TRHDE: variants seen among roughly 807,000 people sequenced by gnomAD.
The protein encoded by TRHDE is thyrotropin-releasing hormone-degrading ectoenzyme.
A neutral mutation model predicts 125.7 loss-of-function variants in TRHDE; 72 were observed. That is an observed-to-expected ratio of 0.57 (90% CI 0.47 to 0.70). TRHDE has a LOEUF of 0.70. TRHDE is among the 30% of genes least tolerant of loss of function. The probability of loss-of-function intolerance (pLI) is 0.00; values close to 1 mark genes in which losing one functional copy is unlikely to be tolerated. For missense variants in TRHDE, 1,110 were observed against 1,327.1 expected (o/e 0.84, Z 2.54); for synonymous variants, 509 against 509.1 (o/e 1.00, Z 0.00).
At chr12:72,261,838 A>G (rs368384649) in intron 2 of TRHDE, among the ~76,000 whole-genome samples, 6 of 152,176 alleles carry the variant, frequency 3.9e-5, no homozygotes, top group Non-Finnish European at 5.9e-5. Context: ...TTTCCATGGC[A>G]TTATTGTTTG....
chr12:72,659,382 T>C (rs1874828184), intron 18 of TRHDE, among the ~76,000 whole-genome samples: 1 of 152,206 alleles, frequency 6.6e-6, no homozygotes, highest in Admixed American at 6.5e-5. Flanking sequence ...TAATGACTAT[T>C]AACCAGTCCT....
chr12:72,424,770 C>A (rs949834157), intron 3 of TRHDE, among the ~76,000 whole-genome samples: 1 of 152,038 alleles, frequency 6.6e-6, no homozygotes, highest in Non-Finnish European at 1.5e-5. Flanking sequence ...AATATTAAAG[C>A]TTTTGGGGGA....
intron 5 of TRHDE, among the ~76,000 whole-genome samples, chr12:72,478,934 A>C (rs1265372017): frequency 2.6e-5 from 4 of 151,116 alleles, no homozygotes; most frequent in Non-Finnish European, 5.9e-5. Flanking sequence ...AAAAAAAAAA[A>C]AAAAAAACAA....
At chr12:72,099,263 G>A (rs1592439755) in intron 1 of TRHDE, among the ~76,000 whole-genome samples, 1 of 152,278 alleles carries the variant, frequency 6.6e-6, no homozygotes, top group East Asian at 1.9e-4. Flanking sequence ...AGCAAACAGA[G>A]GGTAAAGTGG....
intron 2 of TRHDE, among the ~76,000 whole-genome samples, chr12:72,138,112 C>T (rs755272613): frequency 6.6e-6 from 1 of 152,168 alleles, no homozygotes; most frequent in Non-Finnish European, 1.5e-5. Flanking sequence ...AGTGGTGGCT[C>T]ATGCTTGTAA....
At chr12:72,525,284 C>G (rs1592512150) in intron 6 of TRHDE, among the ~76,000 whole-genome samples, 1 of 152,096 alleles carries the variant, frequency 6.6e-6, no homozygotes, top group East Asian at 1.9e-4. Flanking sequence ...AATAAAATAA[C>G]TTTGTCCTTT....
chr12:72,217,229 T>A (rs572273721), intron 2 of TRHDE, among the ~76,000 whole-genome samples: 8 of 152,320 alleles, frequency 5.3e-5, no homozygotes, highest in African/African-American at 1.9e-4. Context: ...GGCCTAGTAA[T>A]GAACTTTGAT....
At chr12:72,524,689 G>T (rs1263538107) in intron 6 of TRHDE, among the ~76,000 whole-genome samples, 1 of 152,100 alleles carries the variant, frequency 6.6e-6, no homozygotes, top group Non-Finnish European at 1.5e-5. Flanking sequence ...AGCCTCTTAT[G>T]CGAGCCCATC....
At chr12:72,616,477 G>T (rs759161566) in intron 12 of TRHDE, among the ~76,000 whole-genome samples, 4 of 152,050 alleles carry the variant, frequency 2.6e-5, no homozygotes, top group Non-Finnish European at 5.9e-5. Flanking sequence ...GGGCTGGAGA[G>T]ATAAATTATT....
chr12:72,259,843 C>A (rs189651320), intron 2 of TRHDE, among the ~76,000 whole-genome samples: 75 of 152,284 alleles, frequency 4.9e-4, no homozygotes, highest in African/African-American at 1.7e-3. Flanking sequence ...CTCAGTAACA[C>A]CCTTTCAATG....
In TRHDE at chr12:72,140,849, T is replaced by G. The variant is rs562020033; in HGVS notation, n.279+35097T>G. Among the ~76,000 whole-genome samples, 5 of 152,222 alleles carry G rather than the reference T, an allele frequency of 3.3e-5. No homozygotes were observed. In the South Asian group the frequency reaches 1.0e-3, roughly 32 times the overall value. ...CAGCCAATAAAAATAGTGTAACTCA[T>G]TGAGCAGAACATAAATATTCTTAAA... On this transcript the variant is annotated intron_variant and non_coding_transcript_variant, in intron 2 of 4. Transcript: ENST00000548156.
chr12:72,520,022 G>C (rs1413896642), intron 6 of TRHDE, among the ~76,000 whole-genome samples: 1 of 152,164 alleles, frequency 6.6e-6, no homozygotes, highest in Non-Finnish European at 1.5e-5. Context: ...CTGTGTGCTG[G>C]GAGAACCACT....
At chr12:72,139,232 C>G (rs867362710) in intron 2 of TRHDE, among the ~76,000 whole-genome samples, 2 of 151,730 alleles carry the variant, frequency 1.3e-5, no homozygotes, top group Non-Finnish European at 2.9e-5. Flanking sequence ...AATATTTCTG[C>G]ATCCACCACC....
Position 72,663,213 on chromosome 12 carries a change from C to T in TRHDE, c.*18C>T. ...GACACTAATATATGTATCTTATAAA[C>T]AAACAATTCAACTCAGAAGTTTATG... On this transcript the variant is annotated 3_prime_UTR_variant, in exon 19 of 19. Transcript: ENST00000261180. 6.4e-7 allele frequency: 1 copy of T among 1,561,890 alleles called. No individual in the cohort carries two copies. Among genetic ancestry groups the T allele is most frequent in the Non-Finnish European group, 8.7e-7 (1 of 1,151,254 alleles).
At chr12:72,516,243 C>T (rs1161329561) in intron 6 of TRHDE, among the ~76,000 whole-genome samples, 1 of 151,560 alleles carries the variant, frequency 6.6e-6, no homozygotes, top group Non-Finnish European at 1.5e-5. Flanking sequence ...GCAGTATGGC[C>T]ATATTCATGG....
At chr12:72,380,420 G>A (rs73146903) in intron 3 of TRHDE, among the ~76,000 whole-genome samples, 6 of 152,270 alleles carry the variant, frequency 3.9e-5, no homozygotes, top group Non-Finnish European at 8.8e-5. Context: ...ATGGGGCATG[G>A]GATAGGGGCT....
intron 3 of TRHDE, among the ~76,000 whole-genome samples, chr12:72,393,544 A>G (rs917217479): frequency 1.3e-5 from 2 of 152,188 alleles, no homozygotes; most frequent in African/African-American, 4.8e-5. Context: ...TCACATTTTT[A>G]AACCTAACAA....
At chr12:72,324,070 A>G (rs74103432) in intron 2 of TRHDE, among the ~76,000 whole-genome samples, 10,204 of 152,190 alleles carry the variant, frequency 0.067, 398 homozygotes, top group African/African-American at 0.11. Flanking sequence ...TTATCCTTAA[A>G]TAACCCCTCA....
In TRHDE at chr12:72,459,255, A is replaced by G. The variant is rs372781366; in HGVS notation, c.1316-10503A>G. On this transcript the variant is annotated intron_variant, in intron 3 of 18. Transcript: ENST00000261180. The stretch of plus-strand genomic sequence containing the variant: ...ATTGGGTCCACCTGTATAATCCAGG[A>G]TATTCTTCCCATCTTAATTTCAGCT... Among the ~76,000 whole-genome samples the G allele has an allele frequency of 1.2e-3, 186 of 152,274 alleles. 2 individuals carry two copies. In the South Asian group the frequency reaches 0.013, roughly 11 times the overall value.
Sources: gnomAD v4.1 joint callset for allele counts (sites outside exome capture counted in the v4.1 genomes callset) on GRCh38, gnomAD v4.1.1 for gene constraint, MANE v1.5 for transcripts, NCBI Gene and HGNC (gene_info 2026-07-23, HGNC 2026-07-21) for gene names.